EXOC6: variants seen among roughly 807,000 people sequenced by gnomAD.
EXOC6 encodes SEC15-like 1.
EXOC6 carries 60 observed loss-of-function variants against 112.5 expected under a neutral mutation model. The ratio of observed to expected loss-of-function variants is 0.53; its 90% CI spans 0.43 to 0.66. The LOEUF (loss-of-function observed/expected upper bound fraction) is 0.66. Among genes scored for constraint, EXOC6 ranks in the 30% least tolerant of loss-of-function variants. The probability of loss-of-function intolerance (pLI) is 0.00; values close to 1 mark genes in which losing one functional copy is unlikely to be tolerated. For synonymous variants in EXOC6, 295 were observed against 308.0 expected (o/e 0.96, Z 0.44); for missense variants, 855 against 957.1 (o/e 0.89, Z 1.41).
rs770666074 is a variant in EXOC6, at chr10:92,909,439, C to T, written c.471C>T (p.Ala157=). The T allele has an allele frequency of 1.2e-6, 2 of 1,610,940 alleles. No individual in the cohort carries two copies. Among genetic ancestry groups the T allele is most frequent in the South Asian group, 2.2e-5 (2 of 90,472 alleles). ...EQMSAKRYYS[A]LKTMEQLENV... ...TAACTTCTCACAGGTACTATTCTGC[C>T]CTAAAAACTATGGAACAATTAGAGA... Residue 157 remains alanine, a synonymous_variant, in exon 6 of 22, where the codon GCC becomes GCT. Coordinates refer to ENST00000260762, the MANE Select transcript of EXOC6 (RefSeq NM_019053.6).
intron 18 of EXOC6, among the ~76,000 whole-genome samples, chr10:92,984,571 T>A (rs184271796): frequency 1.3e-5 from 2 of 152,304 alleles, no homozygotes; most frequent in East Asian, 3.9e-4. Context: ...CCAGTCGGTT[T>A]TGCTGAATTC....
At chr10:92,927,245 A>G (rs1040980247) in intron 8 of EXOC6, among the ~76,000 whole-genome samples, 3 of 152,176 alleles carry the variant, frequency 2.0e-5, no homozygotes, top group African/African-American at 7.2e-5. Flanking sequence ...GATTAGGGAA[A>G]TGGTTCTCAA....
At chr10:92,835,427 A>G (rs544109769) in intron 1 of EXOC6, among the ~76,000 whole-genome samples, 1 of 152,340 alleles carries the variant, frequency 6.6e-6, no homozygotes, top group Admixed American at 6.5e-5. Flanking sequence ...ACTATGTGTC[A>G]TTGTGTTCAA....
chr10:92,895,924 T>C (rs935008388), intron 4 of EXOC6, among the ~76,000 whole-genome samples: 8 of 146,050 alleles, frequency 5.5e-5, no homozygotes, highest in East Asian at 4.0e-4. Flanking sequence ...TTTAAACTTA[T>C]TATTTTTTTT....
intron 5 of EXOC6, among the ~76,000 whole-genome samples, chr10:92,903,560 G>T (rs776812769): frequency 7.2e-5 from 11 of 151,802 alleles, no homozygotes; most frequent in African/African-American, 2.7e-4. Context: ...TGTCATAAGT[G>T]CCTTTTTGTT....
chr10:92,846,260 G>T (rs1410255886), upstream of EXOC6, among the ~76,000 whole-genome samples: 1 of 152,246 alleles, frequency 6.6e-6, no homozygotes, highest in Non-Finnish European at 1.5e-5. Context: ...AAGGTATCAG[G>T]ACTGGTGAAG....
intron 17 of EXOC6, among the ~76,000 whole-genome samples, chr10:92,968,712 TGCCA>T (rs1842166637): frequency 6.6e-6 from 1 of 152,192 alleles, no homozygotes. Context: ...CCCTTCTGGG[TGCCA>T]ATTACTGTTA....
chr10:92,933,791 A>C (rs1362618229), intron 9 of EXOC6, among the ~76,000 whole-genome samples: 1 of 152,094 alleles, frequency 6.6e-6, no homozygotes, highest in Admixed American at 6.6e-5. Context: ...GGAAAATATC[A>C]TTCTGGCAGC....
At chr10:92,899,930 T>G (rs999275342) in intron 5 of EXOC6, 19 of 294,308 alleles carry the variant, frequency 6.5e-5, no homozygotes, top group Non-Finnish European at 1.2e-4. Context: ...CATACTAATA[T>G]TGCATGTAAC....
chr10:92,914,583 T>G (rs368690232), intron 6 of EXOC6, among the ~76,000 whole-genome samples: 14 of 152,262 alleles, frequency 9.2e-5, no homozygotes, highest in African/African-American at 3.4e-4. Flanking sequence ...AGAAAATCAT[T>G]GACAAAATTA....
At chr10:93,031,422 C>T (rs2134292219) in intron 20 of EXOC6, among the ~76,000 whole-genome samples, 1 of 150,994 alleles carries the variant, frequency 6.6e-6, no homozygotes, top group South Asian at 2.1e-4. Context: ...TTGACTTGTT[C>T]TTATCTGTGT....
intron 1 of EXOC6, among the ~76,000 whole-genome samples, chr10:92,872,297 G>A (rs560469094): frequency 6.6e-6 from 1 of 152,038 alleles, no homozygotes; most frequent in African/African-American, 2.4e-5. Context: ...AGTATGGAGA[G>A]TCTTTTTTAT....
chr10:92,884,699 A>G (rs1042159381), intron 1 of EXOC6, among the ~76,000 whole-genome samples: 2 of 152,196 alleles, frequency 1.3e-5, no homozygotes, highest in African/African-American at 4.8e-5. Context: ...AATACATTTT[A>G]TTTTCTTCAC....
intron 1 of EXOC6, among the ~76,000 whole-genome samples, chr10:92,851,963 G>A (rs553936192): frequency 8.6e-4 from 131 of 152,238 alleles, no homozygotes; most frequent in African/African-American, 3.0e-3. Context: ...AGCTACTCGG[G>A]AGGCTAACGT....
At chr10:92,905,632 G>C (rs1041658124) in intron 5 of EXOC6, among the ~76,000 whole-genome samples, 1 of 151,966 alleles carries the variant, frequency 6.6e-6, no homozygotes, top group African/African-American at 2.4e-5. Context: ...GGAATGGTGA[G>C]AGGGAGCTTC....
At chr10:92,933,673 C>G (rs1211903615) in intron 9 of EXOC6, among the ~76,000 whole-genome samples, 5 of 151,902 alleles carry the variant, frequency 3.3e-5, no homozygotes, top group African/African-American at 1.2e-4. Flanking sequence ...TTCTATATGC[C>G]TTGTTAAAAT....
rs138639733 is a variant in EXOC6 at position 93,011,208 on chromosome 10, T to G, written c.2096-2986T>G. Among the ~76,000 whole-genome samples, 478 of 149,922 alleles carry G rather than the reference T, an allele frequency of 3.2e-3. 6 individuals carry two copies. The highest frequency in any genetic ancestry group is 0.011 in the African/African-American group (436 of 40,844). On this transcript the variant is annotated intron_variant, in intron 19 of 21. Transcript: ENST00000260762. Reference sequence around the variant, plus strand: ...GTTGAGAACCACTAGGGATTTATGGTTTTTTTTTGTGACCAAAAAAAAAAA... The same window carrying G: ...GTTGAGAACCACTAGGGATTTATGGGTTTTTTTTGTGACCAAAAAAAAAAA...
chr10:92,846,253 G>C (rs1847049870), upstream of EXOC6, among the ~76,000 whole-genome samples: 1 of 152,226 alleles, frequency 6.6e-6, no homozygotes, highest in African/African-American at 2.4e-5. Context: ...GGAATAAAAG[G>C]TATCAGGACT....
chr10:92,830,307 G>A (rs551509889), upstream of EXOC6, among the ~76,000 whole-genome samples: 6 of 152,270 alleles, frequency 3.9e-5, no homozygotes, highest in Non-Finnish European at 8.8e-5. Context: ...AAAGGTGAGC[G>A]ACTGATGCAG....
Sources: gnomAD v4.1 joint callset for allele counts (sites outside exome capture counted in the v4.1 genomes callset) on GRCh38, gnomAD v4.1.1 for gene constraint, MANE v1.5 for transcripts, NCBI Gene and HGNC (gene_info 2026-07-23, HGNC 2026-07-21) for gene names.